The following ZBED3 variants were observed in gnomAD, a reference collection of about 807,000 sequenced individuals.
ZBED3 encodes zinc finger BED domain-containing protein 3.
For synonymous variants in ZBED3, 175 were observed against 180.0 expected (o/e 0.97, Z 0.22); for missense variants, 388 against 362.9 (o/e 1.07, Z -0.56).
rs559136829 is a variant in ZBED3, at chr5:77,076,359, G to C, written c.*815C>G. On this transcript the variant is annotated 3_prime_UTR_variant, in exon 3 of 3. Coordinates refer to ENST00000255198, the MANE Select transcript of ZBED3 (RefSeq NM_032367.4). ...GGGATGCTTTCCCCTTCAGCCCAGA[G>C]GTGAGCACTATGACGACATGTGGGG... is the stretch of plus-strand genomic sequence containing the variant. 3 of 152,256 alleles carry C rather than the reference G, an allele frequency of 2.0e-5. No individual in the cohort carries two copies. The highest frequency in any genetic ancestry group is 4.2e-4 in the South Asian group (2 of 4,812). The allele number at this position is 152,256 out of a possible 1,614,324, so 9.4% of individuals were successfully genotyped here.
rs995126002 is a variant in ZBED3, at chr5:77,072,657, T to C, written c.*4517A>G. ...GTCACAAGTCAGATTGAGTTTTGACTGGAGCAGGTCATTTGGCAACTATTT... is the reference window on the plus strand; with the variant it reads ...GTCACAAGTCAGATTGAGTTTTGACCGGAGCAGGTCATTTGGCAACTATTT... On this transcript the variant is annotated 3_prime_UTR_variant, in exon 3 of 3. Coordinates refer to ENST00000255198, the MANE Select transcript of ZBED3 (RefSeq NM_032367.4). The C allele has an allele frequency of 5.3e-5, 8 of 152,210 alleles. No individual in the cohort carries two copies. The highest frequency in any genetic ancestry group is 4.6e-4 in the Admixed American group (7 of 15,284). The allele number at this position is 152,210 out of a possible 1,614,324, so 9.4% of individuals were successfully genotyped here.
At position 77,075,472 on chromosome 5, in the gene ZBED3, T is replaced by C. The variant is rs563408814; in HGVS notation, c.*1702A>G. 2 of 152,334 alleles carry C rather than the reference T, an allele frequency of 1.3e-5. No homozygotes were observed. The highest frequency in any genetic ancestry group is 3.9e-4 in the East Asian group (2 of 5,182). The allele number at this position is 152,334 out of a possible 1,614,324, so 9.4% of individuals were successfully genotyped here. On this transcript the variant is annotated 3_prime_UTR_variant, in exon 3 of 3. Transcript: ENST00000255198. ...AAGTTACTGTTTATATTTTTAGGCATGATCATCTTAATGTAATCATGTAGA... is the reference window on the plus strand; with the variant it reads ...AAGTTACTGTTTATATTTTTAGGCACGATCATCTTAATGTAATCATGTAGA...
In ZBED3 at chr5:77,077,232, AGCG is replaced by A; in HGVS notation, c.644_646del (p.Pro215del). 2.7e-6 allele frequency: 4 copies of A among 1,488,932 alleles called. No homozygotes were observed. Among genetic ancestry groups the A allele is most frequent in the Non-Finnish European group, 3.6e-6 (4 of 1,124,770 alleles). 92.2% of individuals were successfully genotyped at this position (1,488,932 alleles called of 1,614,324 possible). A position where few individuals can be genotyped will look rare whatever the true frequency, so the allele number is the denominator to read the frequency against. ...CCTGTCACCCTCGGGGTCGTCCTTG[AGCG>A]GCGGCGGCGCAGCGGGGGCCCAGCC... On this transcript the variant is annotated inframe_deletion, in exon 3 of 3. Transcript: ENST00000255198.
In ZBED3 at chr5:77,075,969, ATATGTATATATGTATATATATATG is replaced by A. The variant is rs1742977448; in HGVS notation, c.*1181_*1204del. ...CATATATATATATATATATATATGTATATGTATATATGTATATATATATGTATATATGTATATATATATGTATAT... is the reference window on the plus strand; with the variant it reads ...CATATATATATATATATATATATGTATATATATGTATATATATATGTATAT... On this transcript the variant is annotated 3_prime_UTR_variant, in exon 3 of 3. Coordinates refer to ENST00000255198, the MANE Select transcript of ZBED3 (RefSeq NM_032367.4). The A allele has an allele frequency of 9.9e-5, 2 of 20,164 alleles. No homozygotes were observed. The highest frequency in any genetic ancestry group is 4.3e-4 in the African/African-American group (2 of 4,632). The allele number at this position is 20,164 out of a possible 1,614,324, so 1.2% of individuals were successfully genotyped here.
Position 77,077,796 on chromosome 5 carries a change from C to A in ZBED3, c.83G>T (p.Gly28Val), listed in dbSNP as rs1277688715. ...CGTCGGCGTCGGCGCCGGCCCCAGTCCCGGACACTGACCGCCCCGCGCCGC... is the reference window on the plus strand; with the variant it reads ...CGTCGGCGTCGGCGCCGGCCCCAGTACCGGACACTGACCGCCCCGCGCCGC... ...DAAARGGQCP[G>V]LGPAPTPTPP... The change falls in exon 3 of 3, where the codon GGA (glycine) becomes GTA (valine). Residue 28 changes from glycine to valine, a missense_variant. Transcript: ENST00000255198. 2.3e-6 allele frequency: 3 copies of A among 1,310,044 alleles called. No homozygotes were observed. In the African/African-American group the frequency reaches 4.6e-5, roughly 20 times the overall value. 81.2% of individuals were successfully genotyped at this position (1,310,044 alleles called of 1,614,324 possible).
rs1375114455 is a variant in ZBED3, at chr5:77,077,654, C to T, written c.225G>A (p.Gln75=). The T allele has an allele frequency of 4.2e-6, 6 of 1,412,810 alleles. No homozygotes were observed. Among genetic ancestry groups the T allele is most frequent in the East Asian group, 3.1e-5 (1 of 32,298 alleles). The allele number at this position is 1,412,810 out of a possible 1,614,324, so 87.5% of individuals were successfully genotyped here. A position where few individuals can be genotyped will look rare whatever the true frequency, so the allele number is the denominator to read the frequency against. Residue 75 remains glutamine, a synonymous_variant, in exon 3 of 3, where the codon CAG becomes CAA. Transcript: ENST00000255198. Reference sequence around the variant, plus strand: ...CGTGGAAGCCCGGGCCGCGGCCCACCTGCTCCCCGCACAGACGGCAGGTGG... The same window carrying T: ...CGTGGAAGCCCGGGCCGCGGCCCACTTGCTCCCCGCACAGACGGCAGGTGG... ...HWATCRLCGE[Q]VGRGPGFHAG...
chr5:77,080,657 C>G, intron 1 of ZBED3: 1 of 509,758 alleles, frequency 2.0e-6, no homozygotes, highest in South Asian at 1.4e-5. Context: ...CAGGCCGTAA[C>G]AGCCTGGTTA....
Position 77,077,436 on chromosome 5 carries a change from C to T in ZBED3, c.443G>A (p.Arg148Gln), listed in dbSNP as rs1325861019. Residue 148 changes from arginine (R) to glutamine (Q), a missense_variant, in exon 3 of 3, where the codon CGG becomes CAG. By Grantham distance (43) the Arg-to-Gln change is conservative. Transcript: ENST00000255198. ...ALAVRGSRRE[R>Q]ELERRELAVE... is the part of the protein sequence containing the mutation. ...GGCCAGCTCGCGCCGCTCCAGCTCC[C>T]GCTCCCGCCGGCTGCCGCGCACGGC... 33 of 1,218,660 alleles carry T rather than the reference C, an allele frequency of 2.7e-5. No homozygotes were observed. The highest frequency in any genetic ancestry group is 3.4e-5 in the Non-Finnish European group (33 of 978,154). The allele number at this position is 1,218,660 out of a possible 1,614,324, so 75.5% of individuals were successfully genotyped here. A position where few individuals can be genotyped will look rare whatever the true frequency, so the allele number is the denominator to read the frequency against.
chr5:77,078,081 C>A lies in ZBED3; in HGVS notation c.-17-186G>T, dbSNP rs544809650. ...TTAAGTGTTGATTCCTCAGAAAAAA[C>A]TGTTAAAAATATCTAGCCCTTCCTA... On this transcript the variant is annotated intron_variant, in intron 2 of 2. Coordinates refer to ENST00000255198, the MANE Select transcript of ZBED3 (RefSeq NM_032367.4). Among the ~76,000 whole-genome samples, 7 of 152,326 alleles carry A rather than the reference C, an allele frequency of 4.6e-5. No homozygotes were observed. The South Asian group carries it at 1.4e-3, about 32-fold the overall frequency.
In ZBED3 at chr5:77,077,436, C is replaced by A; in HGVS notation, c.443G>T (p.Arg148Leu). ...ALAVRGSRRE[R>L]ELERRELAVE... ...GGCCAGCTCGCGCCGCTCCAGCTCC[C>A]GCTCCCGCCGGCTGCCGCGCACGGC... Residue 148 changes from arginine (R) to leucine (L), a missense_variant, in exon 3 of 3, where the codon CGG becomes CTG. By Grantham distance (102) the Arg-to-Leu change is moderately radical. Transcript: ENST00000255198. 1 of 1,218,658 alleles carries A rather than the reference C, an allele frequency of 8.2e-7. No homozygotes were observed. The highest frequency in any genetic ancestry group is 3.0e-5 in the South Asian group (1 of 33,882). 75.5% of individuals were successfully genotyped at this position (1,218,658 alleles called of 1,614,324 possible).
chr5:77,084,152 CAT>C (rs961101111), intron 1 of ZBED3, among the ~76,000 whole-genome samples: 3 of 152,176 alleles, frequency 2.0e-5, no homozygotes, highest in African/African-American at 7.2e-5. Context: ...AGGAACGTCA[CAT>C]AGTCTTTGCC....
chr5:77,083,559 T>G (rs1743174423), intron 1 of ZBED3, among the ~76,000 whole-genome samples: 1 of 152,196 alleles, frequency 6.6e-6, no homozygotes. Context: ...ATAGTGCAAA[T>G]GATGTCACTG....
intron 1 of ZBED3, among the ~76,000 whole-genome samples, chr5:77,084,825 A>G (rs1561300110): frequency 6.6e-6 from 1 of 152,236 alleles, no homozygotes; most frequent in Non-Finnish European, 1.5e-5. Flanking sequence ...ACTCTAATGA[A>G]GTTCCAGTTC....
rs34123036 is a variant in ZBED3 at position 77,076,041 on chromosome 5, GTATA to G, written c.*1129_*1132del. 1 of 76,282 alleles carries G rather than the reference GTATA, an allele frequency of 1.3e-5. No individual in the cohort carries two copies. Among genetic ancestry groups the G allele is most frequent in the East Asian group, 3.4e-4 (1 of 2,910 alleles). 4.7% of individuals were successfully genotyped at this position (76,282 alleles called of 1,614,324 possible). A position where few individuals can be genotyped will look rare whatever the true frequency, so the allele number is the denominator to read the frequency against. ...TATATGTATATATATATGTATATAT[GTATA>G]TATATATATAATATATACACACATA... On this transcript the variant is annotated 3_prime_UTR_variant, in exon 3 of 3. Transcript: ENST00000255198.
chr5:77,084,505 G>A (rs1048122146), intron 1 of ZBED3, among the ~76,000 whole-genome samples: 1 of 152,200 alleles, frequency 6.6e-6, no homozygotes, highest in Non-Finnish European at 1.5e-5. Context: ...CCCTAGCCAC[G>A]TGGAACTTTA....
Position 77,073,018 on chromosome 5 carries a change from CT to C in ZBED3, c.*4155del, listed in dbSNP as rs1742912870. On this transcript the variant is annotated 3_prime_UTR_variant, in exon 3 of 3. Transcript: ENST00000255198. The stretch of plus-strand genomic sequence containing the variant: ...TCTGGAAATGGGGATTATATCCATG[CT>C]TTCGTTGGAGATTTTATTTTAACTA... 6.6e-6 allele frequency: 1 copy of C among 152,134 alleles called. No homozygotes were observed. The highest frequency in any genetic ancestry group is 1.5e-5 in the Non-Finnish European group (1 of 68,036). The allele number at this position is 152,134 out of a possible 1,614,324, so 9.4% of individuals were successfully genotyped here.
chr5:77,077,531 C>T lies in ZBED3; in HGVS notation c.348G>A (p.Pro116=), dbSNP rs1208330915. The change falls in exon 3 of 3, where the codon CCG becomes CCA. Residue 116 remains proline, a synonymous_variant. Coordinates refer to ENST00000255198, the MANE Select transcript of ZBED3 (RefSeq NM_032367.4). ...GGGCCGCAGCGGGGCCGGGCGGCGG[C>T]GGGCAGGGCGCGGCAGGTGGGGAGC... ...AGSSPPAAPC[P]PPPGPAAAPE... 1 of 1,211,370 alleles carries T rather than the reference C, an allele frequency of 8.3e-7. No homozygotes were observed. The allele number at this position is 1,211,370 out of a possible 1,614,324, so 75.0% of individuals were successfully genotyped here. A position where few individuals can be genotyped will look rare whatever the true frequency, so the allele number is the denominator to read the frequency against.
rs528879612 is a variant in ZBED3, at chr5:77,077,779, T to TCGGCGC, written c.94_99dup (p.Ala32_Pro33dup). 2.2e-3 allele frequency: 2,953 copies of TCGGCGC among 1,314,356 alleles called. 56 individuals are homozygous for TCGGCGC. In the African/African-American group the frequency reaches 0.042, roughly 19 times the overall value. 81.4% of individuals were successfully genotyped at this position (1,314,356 alleles called of 1,614,324 possible). A position where few individuals can be genotyped will look rare whatever the true frequency, so the allele number is the denominator to read the frequency against. ...CCCAGGCGGCCGGGAGGCGTCGGCG[T>TCGGCGC]CGGCGCCGGCCCCAGTCCCGGACAC... On this transcript the variant is annotated inframe_insertion, in exon 3 of 3. Transcript: ENST00000255198.
At chr5:77,086,122 A>G (rs1335671403) in intron 1 of ZBED3, among the ~76,000 whole-genome samples, 5 of 152,200 alleles carry the variant, frequency 3.3e-5, no homozygotes, top group Non-Finnish European at 5.9e-5. Context: ...GGTCTGCATT[A>G]CTTTGCTTAA....
Sources: allele counts gnomAD v4.1 joint callset (sites outside exome capture counted in the v4.1 genomes callset), GRCh38; gene constraint gnomAD v4.1.1; transcripts MANE v1.5; gene names NCBI Gene and HGNC (gene_info 2026-07-23, HGNC 2026-07-21).